Variants in SRGAP3 observed in about 807,000 individuals in gnomAD.
SRGAP3 encodes the protein SLIT-ROBO Rho GTPase activating protein 3, also known as SLIT-ROBO Rho GTPase-activating protein 3.
A neutral mutation model predicts 121.1 loss-of-function variants in SRGAP3; 39 were observed. That is an observed-to-expected ratio of 0.32 (90% CI 0.25 to 0.42). The LOEUF is 0.42. Among genes scored for constraint, SRGAP3 ranks in the 10% least tolerant of loss-of-function variants. The pLI is 1.00. For missense variants in SRGAP3, 1,213 were observed against 1,470.6 expected (o/e 0.82, Z 2.86); for synonymous variants, 601 against 570.0 (o/e 1.05, Z -0.77).
At chr3:9,221,813 G>A (rs111471938) in intron 1 of SRGAP3, among the ~76,000 whole-genome samples, 10 of 152,196 alleles carry the variant, frequency 6.6e-5, no homozygotes, top group African/African-American at 2.2e-4. Flanking sequence ...CCAAACTGGC[G>A]CCTTATTTAG....
chr3:9,029,469 A>G (rs1241085438), intron 12 of SRGAP3, among the ~76,000 whole-genome samples: 1 of 152,206 alleles, frequency 6.6e-6, no homozygotes, highest in Non-Finnish European at 1.5e-5. Context: ...AAATGTATAA[A>G]ACAAACTCCA....
intron 1 of SRGAP3, chr3:9,348,741 C>G: frequency 7.6e-7 from 1 of 1,317,678 alleles, no homozygotes; most frequent in Non-Finnish European, 1.1e-6. Flanking sequence ...CTCAATAAAG[C>G]AGAAACTGCT....
At chr3:9,215,068 T>C (rs185328757) in intron 1 of SRGAP3, among the ~76,000 whole-genome samples, 23 of 152,322 alleles carry the variant, frequency 1.5e-4, no homozygotes, top group African/African-American at 4.1e-4. Context: ...TTATAATATC[T>C]TTTATGTTTT....
chr3:9,308,569 C>T (rs959767385), intron 3 of SRGAP3, among the ~76,000 whole-genome samples: 1 of 152,148 alleles, frequency 6.6e-6, no homozygotes, highest in Non-Finnish European at 1.5e-5. Context: ...TTTACAGGGT[C>T]AGTGGTAATT....
intron 18 of SRGAP3, among the ~76,000 whole-genome samples, chr3:9,004,878 A>C (rs1014097407): frequency 1.4e-4 from 21 of 152,250 alleles, no homozygotes; most frequent in Non-Finnish European, 2.6e-4. Flanking sequence ...CTTAGATATA[A>C]CACCAAAAGC....
At chr3:9,353,128 T>C (rs979146909) in intron 1 of SRGAP3, among the ~76,000 whole-genome samples, 12 of 152,362 alleles carry the variant, frequency 7.9e-5, no homozygotes, top group African/African-American at 2.6e-4. Context: ...TTTGTTGCAC[T>C]TCCTGCTTCC....
chr3:9,218,005 C>T lies in SRGAP3; in HGVS notation c.67+30880G>A, dbSNP rs1356615781. The T allele has an allele frequency of 2.0e-5, 3 of 152,212 alleles. No homozygotes were observed. The highest frequency in any genetic ancestry group is 6.5e-5 in the Admixed American group (1 of 15,284). 9.4% of individuals were successfully genotyped at this position (152,212 alleles called of 1,614,324 possible). On this transcript the variant is annotated intron_variant, in intron 1 of 21. Coordinates refer to ENST00000383836, the MANE Select transcript of SRGAP3 (RefSeq NM_014850.4). The surrounding 1 kb of genome is among the most constrained non-coding windows in gnomAD (Gnocchi z 5.3). ...AAACACAGGGAAAAAGCTAACACAA[C>T]CTTTAAGCCGCATTAACAGGATCAA...
intron 1 of SRGAP3, among the ~76,000 whole-genome samples, chr3:9,214,502 C>T (rs4684626): frequency 0.24 from 35,840 of 152,164 alleles, 5,368 homozygotes; most frequent in Admixed American, 0.39. Flanking sequence ...GCTTCCCAGT[C>T]ACTGAACAAA....
chr3:9,329,001 G>GT (rs34326679), intron 2 of SRGAP3, among the ~76,000 whole-genome samples: 95 of 151,990 alleles, frequency 6.3e-4, no homozygotes, highest in Non-Finnish European at 1.2e-3. Flanking sequence ...ACCCCATCCA[G>GT]TTTTTTTTGT....
chr3:9,254,912 G>A (rs66739316), intron 3 of SRGAP3, among the ~76,000 whole-genome samples: 21,308 of 145,784 alleles, frequency 0.15, 1,616 homozygotes, highest in East Asian at 0.27. Flanking sequence ...GGAAGGAAGG[G>A]AGGGGAAAGA....
intron 1 of SRGAP3, among the ~76,000 whole-genome samples, chr3:9,346,890 G>A (rs1254265193): frequency 6.6e-6 from 1 of 151,690 alleles, no homozygotes; most frequent in African/African-American, 2.4e-5. Flanking sequence ...CAAGTAGCTG[G>A]GATTACAGGC....
At chr3:9,195,987 A>G (rs973013859) in intron 1 of SRGAP3, among the ~76,000 whole-genome samples, 19 of 152,284 alleles carry the variant, frequency 1.2e-4, no homozygotes, top group African/African-American at 4.6e-4. Flanking sequence ...AAAGAACCCA[A>G]TCGAAAATAC....
chr3:9,205,483 T>C (rs1367333943), intron 1 of SRGAP3, among the ~76,000 whole-genome samples: 1 of 152,212 alleles, frequency 6.6e-6, no homozygotes, highest in Non-Finnish European at 1.5e-5. Context: ...TATATCTAAT[T>C]GGTCTTTAAA....
chr3:9,302,941 C>T (rs1302737931), intron 3 of SRGAP3, among the ~76,000 whole-genome samples: 1 of 129,896 alleles, frequency 7.7e-6, no homozygotes, highest in Non-Finnish European at 1.6e-5. Flanking sequence ...CCTAATATCT[C>T]CCACCACCAC....
chr3:9,275,473 G>T (rs987762925), intron 3 of SRGAP3, among the ~76,000 whole-genome samples: 3 of 152,136 alleles, frequency 2.0e-5, no homozygotes, highest in Admixed American at 6.6e-5. Flanking sequence ...GTTCACCCAT[G>T]ATATGGTTTG....
chr3:9,065,179 G>A (rs935606015), intron 4 of SRGAP3: 1 of 152,174 alleles, frequency 6.6e-6, no homozygotes, highest in Non-Finnish European at 1.5e-5. Context: ...TAACCCAATA[G>A]ATATTCTATG....
intron 3 of SRGAP3, among the ~76,000 whole-genome samples, chr3:9,288,653 C>T (rs956354729): frequency 2.6e-5 from 4 of 151,300 alleles, no homozygotes; most frequent in Non-Finnish European, 5.9e-5. Flanking sequence ...GAGCTTACTG[C>T]AGCCTCCAAC....
intron 18 of SRGAP3, 60 bp downstream of exon 18, chr3:9,010,247 CA>C: frequency 6.3e-7 from 1 of 1,599,672 alleles, no homozygotes. Context: ...GTTGGGCTGA[CA>C]AAAGTCAGTG....
chr3:9,126,279 A>C (rs891278584), intron 1 of SRGAP3, among the ~76,000 whole-genome samples: 1 of 152,190 alleles, frequency 6.6e-6, no homozygotes, highest in African/African-American at 2.4e-5. Flanking sequence ...AGAATCTATG[A>C]TGCAGTGTCC....
Sources: allele counts gnomAD v4.1 joint callset (sites outside exome capture counted in the v4.1 genomes callset), GRCh38; gene constraint gnomAD v4.1.1; non-coding constraint Gnocchi (gnomAD v3.1); transcripts MANE v1.5; gene names NCBI Gene and HGNC (gene_info 2026-07-23, HGNC 2026-07-21).